POMT2: variants seen among roughly 807,000 people sequenced by gnomAD.
The protein encoded by POMT2 is protein O-mannosyl-transferase 2.
POMT2 carries 75 observed loss-of-function variants against 100.0 expected under a neutral mutation model. That is an observed-to-expected ratio of 0.75 (90% CI 0.62 to 0.91). The LOEUF (loss-of-function observed/expected upper bound fraction) is 0.91, where lower values mean the gene tolerates loss of function less well. POMT2 is among the 40% of genes least tolerant of loss of function. The pLI, the probability that POMT2 is intolerant of heterozygous loss-of-function variation, is 0.00. For synonymous variants in POMT2, 378 were observed against 374.1 expected, an observed-to-expected ratio of 1.01 and a Z score of -0.12; for missense variants, 940 against 955.1, an observed-to-expected ratio of 0.98 and a Z score of 0.21.
Position 77,284,973 on chromosome 14 carries a change from A to AC in POMT2, c.1552dup (p.Val518GlyfsTer23). ...ACACTTGGGATTGATATGGTCCTCCACATTCCAGATGGAGTTGAGGGTTTC... is the reference window on the plus strand; with the variant it reads ...ACACTTGGGATTGATATGGTCCTCCACCATTCCAGATGGAGTTGAGGGTTTC... On this transcript the variant is annotated frameshift_variant, in exon 14 of 21. Coordinates refer to ENST00000261534, the MANE Select transcript of POMT2 (RefSeq NM_013382.7). LOFTEE classifies it high-confidence loss of function. The AC allele has an allele frequency of 6.2e-7, 1 of 1,612,648 alleles. No homozygotes were observed. The highest frequency in any genetic ancestry group is 8.5e-7 in the Non-Finnish European group (1 of 1,178,634).
intron 2 of POMT2, among the ~76,000 whole-genome samples, chr14:77,309,789 T>C (rs1891373788): frequency 6.6e-6 from 1 of 152,158 alleles, no homozygotes; most frequent in Non-Finnish European, 1.5e-5. Flanking sequence ...TTCAAGCTGT[T>C]CTCCTGTCTC....
rs538571135 is a variant in POMT2, at chr14:77,275,513, C to A, written c.*1863G>T. The A allele has an allele frequency of 1.0e-4, 16 of 152,384 alleles. No homozygotes were observed. Among genetic ancestry groups the A allele is most frequent in the African/African-American group, 3.9e-4 (16 of 41,556 alleles). The allele number at this position is 152,384 out of a possible 1,614,324, so 9.4% of individuals were successfully genotyped here. ...ACCTCCTGGAGGTCACTGTGGGCCA[C>A]CTGCTTTGCTAAGAGCCAAGCACAG... is the stretch of plus-strand genomic sequence containing the variant. On this transcript the variant is annotated 3_prime_UTR_variant, in exon 21 of 21. Transcript: ENST00000261534.
rs1180834292 is a variant in POMT2, at chr14:77,291,311, T to G, written c.1183+3A>C. On this transcript the variant is annotated splice_donor_region_variant and intron_variant, in intron 10 of 20. Coordinates refer to ENST00000261534, the MANE Select transcript of POMT2 (RefSeq NM_013382.7). ...AAGAAGCATCAGTCTCTGACCACAT[T>G]ACCTGAGTTTGTGTTATGTTTCTTG... is the stretch of plus-strand genomic sequence containing the variant. The G allele has an allele frequency of 1.2e-6, 2 of 1,607,462 alleles. No homozygotes were observed. The highest frequency in any genetic ancestry group is 2.7e-5 in the African/African-American group (2 of 73,556).
intron 20 of POMT2, 153 bp downstream of exon 20, chr14:77,278,241 A>C (rs560282729): frequency 2.7e-5 from 19 of 697,066 alleles, no homozygotes; most frequent in Admixed American, 6.3e-5. Flanking sequence ...GGGACTCTGG[A>C]AACCACGGCC....
intron 8 of POMT2, 29 bp downstream of exon 8, chr14:77,298,660 T>C (rs760173125): frequency 3.1e-6 from 5 of 1,612,530 alleles, no homozygotes; most frequent in East Asian, 2.2e-5. Flanking sequence ...CTCTGCCTTC[T>C]ACCTTTGTAA....
chr14:77,299,214 A>G (rs1354527725), intron 7 of POMT2, among the ~76,000 whole-genome samples: 1 of 152,196 alleles, frequency 6.6e-6, no homozygotes, highest in Non-Finnish European at 1.5e-5. Context: ...CTCTGTTTAG[A>G]GATAAGGGAC....
At chr14:77,298,484 G>A (rs1249361702) in intron 8 of POMT2, among the ~76,000 whole-genome samples, 1 of 152,196 alleles carries the variant, frequency 6.6e-6, no homozygotes, top group Non-Finnish European at 1.5e-5. Context: ...TCATTCTTTA[G>A]GGTCAGAGAG....
chr14:77,279,826 C>A lies in POMT2; in HGVS notation c.1888G>T (p.Ala630Ser), dbSNP rs111857094. The A allele has an allele frequency of 3.1e-6, 5 of 1,613,078 alleles. No homozygotes were observed. The highest frequency in any genetic ancestry group is 1.3e-5 in the African/African-American group (1 of 75,028). Residue 630 changes from alanine (A) to serine (S), a missense_variant, in exon 18 of 21, where the codon GCA (alanine) becomes TCA (serine). Ala to Ser is a moderately conservative substitution (Grantham distance 99). Coordinates refer to ENST00000261534, the MANE Select transcript of POMT2 (RefSeq NM_013382.7). ...GGGAGAGCCCAGAGGACCTGACCTG[C>A]AACCTCCGCTGGCAGCCGTGCCCCT... ...QRGARLPAEV[A>S]GLSQVLLRGG...
Position 77,278,776 on chromosome 14 carries a change from T to C in POMT2, c.1985A>G (p.Tyr662Cys). The C allele has an allele frequency of 1.2e-6, 2 of 1,613,838 alleles. No individual in the cohort carries two copies. Among genetic ancestry groups the C allele is most frequent in the Non-Finnish European group, 1.7e-6 (2 of 1,179,922 alleles). Residue 662 changes from tyrosine (Y) to cysteine (C), a missense_variant, in exon 19 of 21, where the codon TAC becomes TGC. Transcript: ENST00000261534. ...CATGGCTGGGAAGTAGTGGTGGAAGTAGAGGACCCGGCCCATCAGGAAAAA... is the reference window on the plus strand; with the variant it reads ...CATGGCTGGGAAGTAGTGGTGGAAGCAGAGGACCCGGCCCATCAGGAAAAA... Reference protein sequence around the residue: ...FPFFLMGRVLYFHHYFPAMLF... With the variant: ...FPFFLMGRVLCFHHYFPAMLF...
At chr14:77,279,956 A>G in intron 17 of POMT2, 28 bp from the exon 18 acceptor site, 1 of 1,614,178 alleles carries the variant, frequency 6.2e-7, no homozygotes, top group Non-Finnish European at 8.5e-7. Flanking sequence ...TGGGCAGATG[A>G]GAACGCAGCC....
Position 77,288,878 on chromosome 14 carries a change from T to G in POMT2, c.1184-47A>C, listed in dbSNP as rs2287387. 0.53 allele frequency: 808,337 copies of G among 1,526,204 alleles called. 217,298 individuals are homozygous for G. The highest frequency in any genetic ancestry group is 0.55 in the Non-Finnish European group (604,142 of 1,101,224). The allele number at this position is 1,526,204 out of a possible 1,614,324, so 94.5% of individuals were successfully genotyped here. A position where few individuals can be genotyped will look rare whatever the true frequency, so the allele number is the denominator to read the frequency against. On this transcript the variant is annotated intron_variant, in intron 10 of 20. Coordinates refer to ENST00000261534, the MANE Select transcript of POMT2 (RefSeq NM_013382.7). Reference sequence around the variant, plus strand: ...TGATATCCAAAATCACTCACCAGGCTAGTATTAATCAAGGGCCTACTGGTA... The same window carrying G: ...TGATATCCAAAATCACTCACCAGGCGAGTATTAATCAAGGGCCTACTGGTA...
intron 15 of POMT2, among the ~76,000 whole-genome samples, chr14:77,281,841 G>A (rs61555950): frequency 0.013 from 1,990 of 152,246 alleles, 38 homozygotes; most frequent in African/African-American, 0.045. Flanking sequence ...AGTCCCGAGA[G>A]GCAAAATCAC....
intron 12 of POMT2, 110 bp from the exon 13 acceptor site, chr14:77,285,742 A>C (rs1387589862): frequency 1.1e-5 from 14 of 1,287,250 alleles, no homozygotes; most frequent in Non-Finnish European, 1.6e-5. Flanking sequence ...AAGGTCAAAG[A>C]CCAAATTAGG....
At position 77,276,114 on chromosome 14, in the gene POMT2, G is replaced by T. The variant is rs1181875576; in HGVS notation, c.*1262C>A. On this transcript the variant is annotated 3_prime_UTR_variant, in exon 21 of 21. Transcript: ENST00000261534. ...AAATATTTTGTCATGCACCAGGAAG[G>T]TGGAGGCAGGCTTAAGGGCTGGCCT... 1 of 152,600 alleles carries T rather than the reference G, an allele frequency of 6.6e-6. No individual in the cohort carries two copies. Among genetic ancestry groups the T allele is most frequent in the African/African-American group, 2.4e-5 (1 of 41,458 alleles). The allele number at this position is 152,600 out of a possible 1,614,324, so 9.5% of individuals were successfully genotyped here.
intron 1 of POMT2, among the ~76,000 whole-genome samples, chr14:77,315,786 C>T (rs889145601): frequency 2.6e-5 from 4 of 152,118 alleles, no homozygotes; most frequent in African/African-American, 9.7e-5. Context: ...CCGAGGCGGG[C>T]GGATCACCTG....
intron 6 of POMT2, chr14:77,299,896 T>C (rs931296153): frequency 2.8e-6 from 1 of 356,162 alleles, no homozygotes; most frequent in African/African-American, 2.1e-5. Flanking sequence ...CTCCTTGAAC[T>C]TTCCCAGTGC....
At chr14:77,308,965 C>T (rs537040885) in intron 2 of POMT2, among the ~76,000 whole-genome samples, 5 of 152,218 alleles carry the variant, frequency 3.3e-5, no homozygotes, top group South Asian at 2.1e-4. Context: ...TAAATACTTA[C>T]GGCACATCTA....
chr14:77,278,189 A>C (rs1196669074), intron 20 of POMT2: 1 of 600,204 alleles, frequency 1.7e-6, no homozygotes, highest in Non-Finnish European at 3.0e-6. Context: ...GGCAGAGTTA[A>C]GCCCTGCTTC....
At position 77,278,791 on chromosome 14, in the gene POMT2, A is replaced by G; in HGVS notation, c.1970T>C (p.Met657Thr). 1.2e-6 allele frequency: 2 copies of G among 1,613,894 alleles called. No individual in the cohort carries two copies. The highest frequency in any genetic ancestry group is 8.5e-7 in the Non-Finnish European group (1 of 1,179,898). Residue 657 changes from methionine to threonine, a missense_variant, in exon 19 of 21, where the codon ATG becomes ACG. Coordinates refer to ENST00000261534, the MANE Select transcript of POMT2 (RefSeq NM_013382.7). ...WTLHYFPFFL[M>T]GRVLYFHHYF... ...GTGGTGGAAGTAGAGGACCCGGCCC[A>G]TCAGGAAAAACGGGAAGTAATGGAG...
Sources: gnomAD v4.1 joint callset for allele counts (sites outside exome capture counted in the v4.1 genomes callset) on GRCh38, gnomAD v4.1.1 for gene constraint, MANE v1.5 for transcripts, NCBI Gene and HGNC (gene_info 2026-07-23, HGNC 2026-07-21) for gene names.